The following TBC1D21 variants were observed in gnomAD, a reference collection of about 807,000 sequenced individuals.
The protein encoded by TBC1D21 is TBC1 domain family member 21, also known as male germ cell Rab GTPase-activating protein.
In TBC1D21, 38 loss-of-function variants were observed where a neutral mutation model predicts 46.0. The ratio of observed to expected loss-of-function variants is 0.83; its 90% CI spans 0.64 to 1.08. The LOEUF is 1.08. Ranked by LOEUF, TBC1D21 falls within the 50% of genes least tolerant of loss-of-function variation. The pLI is 0.00. For synonymous variants in TBC1D21, 151 were observed against 157.2 expected, an observed-to-expected ratio of 0.96 and a Z score of 0.29; for missense variants, 415 against 417.9, an observed-to-expected ratio of 0.99 and a Z score of 0.06.
At chr15:73,898,215 A>ACCAGGC in the TBC1D21 span, among the ~76,000 whole-genome samples, 1 of 152,190 alleles carries the variant, frequency 6.6e-6, no homozygotes. Context: ...GCTCTGCCTC[A>ACCAGGC]CCAGGCCCGT....
chr15:73,906,205 G>C, the TBC1D21 span, among the ~76,000 whole-genome samples: 1,763 of 152,322 alleles, frequency 0.012, 21 homozygotes, highest in African/African-American at 0.04. Context: ...CCAGGAAGCT[G>C]AGTTCTGGTC....
chr15:73,900,595 G>A, the TBC1D21 span, among the ~76,000 whole-genome samples: 1 of 152,292 alleles, frequency 6.6e-6, no homozygotes, highest in African/African-American at 2.4e-5. Flanking sequence ...GGGAGTCATA[G>A]CAGCAGAGTC....
downstream of TBC1D21, among the ~76,000 whole-genome samples, chr15:73,893,040 T>C (rs1014667207): frequency 1.3e-5 from 2 of 152,162 alleles, no homozygotes; most frequent in Admixed American, 6.5e-5. Context: ...AGAGGTGATA[T>C]AGAATCTGGT....
chr15:73,909,466 T>C, the TBC1D21 span, among the ~76,000 whole-genome samples: 2 of 152,174 alleles, frequency 1.3e-5, no homozygotes, highest in African/African-American at 4.8e-5. Context: ...TTGTTGCCCT[T>C]GCCACGGGCT....
At position 73,886,263 on chromosome 15, in the gene TBC1D21, G is replaced by T. The variant is rs1260971339; in HGVS notation, c.676+89G>T. On this transcript the variant is annotated intron_variant, in intron 7 of 10. Coordinates refer to ENST00000300504, the MANE Select transcript of TBC1D21 (RefSeq NM_153356.3). ...CAACTGTCAGTCCCTAATCATGGGG[G>T]GGCTGGAGAGCAGCAGAATCATTTG... 3.3e-6 allele frequency: 4 copies of T among 1,198,718 alleles called. No individual in the cohort carries two copies. The African/African-American group carries it at 4.5e-5, about 14-fold the overall frequency. The allele number at this position is 1,198,718 out of a possible 1,614,324, so 74.3% of individuals were successfully genotyped here. A position where few individuals can be genotyped will look rare whatever the true frequency, so the allele number is the denominator to read the frequency against.
intron 4 of TBC1D21, among the ~76,000 whole-genome samples, 175 bp downstream of exon 4, chr15:73,884,420 G>A (rs2068206656): frequency 6.6e-6 from 1 of 152,184 alleles, no homozygotes; most frequent in Non-Finnish European, 1.5e-5. Context: ...TCTCTCCTGG[G>A]TGGCCCTAGA....
chr15:73,897,240 G>T, the TBC1D21 span, among the ~76,000 whole-genome samples: 2 of 152,138 alleles, frequency 1.3e-5, no homozygotes, highest in African/African-American at 4.8e-5. Flanking sequence ...CCAGGTAATA[G>T]TTGTGTGACC....
At chr15:73,883,036 A>G (rs2068181793) in intron 3 of TBC1D21, among the ~76,000 whole-genome samples, 1 of 152,018 alleles carries the variant, frequency 6.6e-6, no homozygotes, top group Non-Finnish European at 1.5e-5. Context: ...AGTCAGACTG[A>G]CTCCACTGCT....
intron 1 of TBC1D21, among the ~76,000 whole-genome samples, chr15:73,876,400 G>GTTTTTTTTTTTTTTTTT (rs71137360): frequency 7.6e-6 from 1 of 131,608 alleles, no homozygotes. Context: ...GGTAATTTTT[G>GTTTTTTTTTTTTTTTTT]TTTTTTTTTT....
the TBC1D21 span, among the ~76,000 whole-genome samples, chr15:73,895,717 C>T: frequency 2.6e-5 from 4 of 152,148 alleles, no homozygotes; most frequent in Admixed American, 6.5e-5. Flanking sequence ...TGTCTCTTTA[C>T]GTACGGGCAT....
chr15:73,881,268 G>C, intron 1 of TBC1D21, 131 bp from the exon 2 acceptor site: 1 of 645,472 alleles, frequency 1.5e-6, no homozygotes, highest in Non-Finnish European at 2.7e-6. Flanking sequence ...ATGTCCTCAA[G>C]ATAGATTTCC....
intron 1 of TBC1D21, among the ~76,000 whole-genome samples, chr15:73,876,206 T>TGG (rs1567062268): frequency 2.0e-5 from 1 of 50,882 alleles, no homozygotes; most frequent in Non-Finnish European, 4.0e-5. Flanking sequence ...TGGGTTTTTT[T>TGG]TTTTTTTTTT....
At chr15:73,874,868 C>T (rs1698298900) in intron 1 of TBC1D21, among the ~76,000 whole-genome samples, 1 of 152,190 alleles carries the variant, frequency 6.6e-6, no homozygotes. Context: ...ATACACCCTC[C>T]ACACCTGGGT....
downstream of TBC1D21, among the ~76,000 whole-genome samples, chr15:73,892,012 G>A (rs1374996945): frequency 2.6e-5 from 4 of 152,242 alleles, no homozygotes; most frequent in African/African-American, 9.6e-5. Flanking sequence ...GGGCCAGGCT[G>A]CCAGTTCCAC....
At chr15:73,883,058 C>T (rs1010174537) in intron 3 of TBC1D21, among the ~76,000 whole-genome samples, 12 of 152,244 alleles carry the variant, frequency 7.9e-5, no homozygotes, top group African/African-American at 2.9e-4. Context: ...AAAATCTTCC[C>T]ATCAGAGGAA....
chr15:73,879,510 G>A (rs1414990609), intron 1 of TBC1D21, among the ~76,000 whole-genome samples: 2 of 151,958 alleles, frequency 1.3e-5, no homozygotes, highest in Middle Eastern at 6.3e-3. Flanking sequence ...GAGCCACCAT[G>A]CCTGGCCTGT....
At chr15:73,900,797 C>T in the TBC1D21 span, among the ~76,000 whole-genome samples, 6 of 152,148 alleles carry the variant, frequency 3.9e-5, no homozygotes, top group South Asian at 2.1e-4. Context: ...CACAGGGTAG[C>T]GAAGAGGCAT....
At chr15:73,899,181 G>T in the TBC1D21 span, among the ~76,000 whole-genome samples, 2 of 152,038 alleles carry the variant, frequency 1.3e-5, no homozygotes, top group Non-Finnish European at 2.9e-5. Context: ...AGCCGTGGCC[G>T]AGAGGTCTGA....
the TBC1D21 span, among the ~76,000 whole-genome samples, chr15:73,899,848 T>C: frequency 6.6e-5 from 10 of 152,130 alleles, no homozygotes; most frequent in Non-Finnish European, 1.5e-4. Context: ...ATTAAAAACA[T>C]AGGCAGGAAC....
Sources: gnomAD v4.1 joint callset for allele counts (sites outside exome capture counted in the v4.1 genomes callset) on GRCh38, gnomAD v4.1.1 for gene constraint, MANE v1.5 for transcripts, NCBI Gene and HGNC (gene_info 2026-07-23, HGNC 2026-07-21) for gene names.